Variants in GBF1 observed in about 807,000 individuals in gnomAD.
GBF1 encodes golgi brefeldin A resistant guanine nucleotide exchange factor 1.
A neutral mutation model predicts 210.5 loss-of-function variants in GBF1; 114 were observed. That is an observed-to-expected ratio of 0.54 (90% CI 0.47 to 0.63). GBF1 has a LOEUF of 0.63. Ranked by LOEUF, GBF1 falls within the 30% of genes least tolerant of loss-of-function variation. GBF1 has a pLI of 0.00. For synonymous variants in GBF1, 850 were observed against 889.2 expected, an observed-to-expected ratio of 0.96 and a Z score of 0.78; for missense variants, 1,851 against 2,357.7, an observed-to-expected ratio of 0.79 and a Z score of 4.45.
chr10:102,326,223 T>C (rs2056887231), intron 3 of GBF1, among the ~76,000 whole-genome samples: 1 of 152,236 alleles, frequency 6.6e-6, no homozygotes, highest in African/African-American at 2.4e-5. Flanking sequence ...GCTTCTAAAT[T>C]GGAATGCTGA....
At chr10:102,284,199 T>C (rs892309325) in intron 3 of GBF1, among the ~76,000 whole-genome samples, 1 of 152,164 alleles carries the variant, frequency 6.6e-6, no homozygotes, top group African/African-American at 2.4e-5. Context: ...TAAAGCACTT[T>C]AGAAAAATAA....
At chr10:102,344,370 G>A (rs2058392088) in intron 4 of GBF1, among the ~76,000 whole-genome samples, 188 bp downstream of exon 4, 1 of 152,208 alleles carries the variant, frequency 6.6e-6, no homozygotes, top group Non-Finnish European at 1.5e-5. Context: ...TACAGGGTGG[G>A]AAGGGCAAGA....
At chr10:102,269,123 C>A (rs915252541) in intron 3 of GBF1, among the ~76,000 whole-genome samples, 2 of 152,194 alleles carry the variant, frequency 1.3e-5, no homozygotes, top group African/African-American at 4.8e-5. Flanking sequence ...TGGCATGTCT[C>A]TTCTGTAACA....
chr10:102,249,556 A>G (rs551288993), intron 1 of GBF1, among the ~76,000 whole-genome samples: 10 of 152,274 alleles, frequency 6.6e-5, no homozygotes, highest in East Asian at 5.8e-4. Context: ...CCACCCTTTA[A>G]GTAAATTTCT....
chr10:102,379,734 G>T, intron 35 of GBF1, 83 bp downstream of exon 35: 1 of 1,516,164 alleles, frequency 6.6e-7, no homozygotes, highest in Non-Finnish European at 9.2e-7. Context: ...CCTAATGTGA[G>T]TCTTCAGCCT....
chr10:102,338,237 C>CTTTTTTTTTTT (rs398046214), intron 3 of GBF1, among the ~76,000 whole-genome samples: 12 of 114,168 alleles, frequency 1.1e-4, no homozygotes, highest in African/African-American at 4.1e-4. Flanking sequence ...CAACCTTCTT[C>CTTTTTTTTTTT]TTTTTTTTTT....
At chr10:102,350,282 G>A (rs368832856) in intron 4 of GBF1, among the ~76,000 whole-genome samples, 2 of 151,880 alleles carry the variant, frequency 1.3e-5, no homozygotes, top group Middle Eastern at 3.2e-3. Flanking sequence ...CCTAGGAGAC[G>A]GAGGTTGCAG....
At chr10:102,343,675 G>A (rs894072950) in intron 3 of GBF1, among the ~76,000 whole-genome samples, 3 of 151,654 alleles carry the variant, frequency 2.0e-5, no homozygotes, top group East Asian at 1.9e-4. Flanking sequence ...AAAATTAGCC[G>A]GGCATGGTGA....
intron 3 of GBF1, among the ~76,000 whole-genome samples, chr10:102,277,046 G>GCT: frequency 6.6e-6 from 1 of 151,610 alleles, no homozygotes; most frequent in African/African-American, 2.4e-5. Flanking sequence ...TTATTTTTTG[G>GCT]CTGGGCACAG....
intron 3 of GBF1, among the ~76,000 whole-genome samples, chr10:102,282,158 A>G (rs1343133907): frequency 6.6e-6 from 1 of 151,368 alleles, no homozygotes; most frequent in East Asian, 1.9e-4. Flanking sequence ...GATGGTCTCA[A>G]TCTCCTGATC....
At chr10:102,239,083 G>T in the GBF1 span, among the ~76,000 whole-genome samples, 7 of 152,164 alleles carry the variant, frequency 4.6e-5, no homozygotes, top group Non-Finnish European at 8.8e-5. Context: ...TTATTATGCT[G>T]TAGATTTCCA....
intron 3 of GBF1, among the ~76,000 whole-genome samples, chr10:102,324,689 C>A (rs1306944983): frequency 6.6e-6 from 1 of 152,100 alleles, no homozygotes; most frequent in Non-Finnish European, 1.5e-5. Context: ...CAGGTTCAAG[C>A]GATTCTCCTG....
At chr10:102,242,445 C>T (rs908258047), upstream of GBF1, among the ~76,000 whole-genome samples, 2 of 152,188 alleles carry the variant, frequency 1.3e-5, no homozygotes, top group Non-Finnish European at 2.9e-5. Context: ...CTGGTGGTAC[C>T]AGGTTAAGTC....
intron 3 of GBF1, among the ~76,000 whole-genome samples, chr10:102,281,400 C>A (rs1273826289): frequency 6.6e-6 from 1 of 152,076 alleles, no homozygotes; most frequent in Non-Finnish European, 1.5e-5. Context: ...ACCTTACCAA[C>A]AATCTGCATA....
At chr10:102,231,861 T>C in the GBF1 span, 16 of 1,573,488 alleles carry the variant, frequency 1.0e-5, no homozygotes, top group Non-Finnish European at 1.4e-5. Flanking sequence ...GGGGACCTCC[T>C]AAGCCACTCG....
chr10:102,312,294 A>AG lies in GBF1; in HGVS notation c.164-31756dup, dbSNP rs2078521076. 3.4e-5 allele frequency among the ~76,000 whole-genome samples: 5 copies of AG among 145,192 alleles called. No individual in the cohort carries two copies. In the South Asian group the frequency reaches 9.0e-4, roughly 26 times the overall value. ...GGCAACAAGAGCGTAACTCTGTCTC[A>AG]GAAAAAAAAAAAAAAAGAAAGAAAA... On this transcript the variant is annotated intron_variant, in intron 3 of 39. Coordinates refer to ENST00000369983, the MANE Select transcript of GBF1 (RefSeq NM_001377137.1).
At chr10:102,271,099 G>A (rs1040889341) in intron 3 of GBF1, among the ~76,000 whole-genome samples, 7 of 151,836 alleles carry the variant, frequency 4.6e-5, no homozygotes, top group Middle Eastern at 3.4e-3. Context: ...CTGCAGTGGC[G>A]CTATCTCAGC....
At chr10:102,325,661 T>C (rs1253181319) in intron 3 of GBF1, among the ~76,000 whole-genome samples, 4 of 152,092 alleles carry the variant, frequency 2.6e-5, no homozygotes, top group Non-Finnish European at 4.4e-5. Context: ...TGTTTTTGTT[T>C]TTTTTTAAGA....
At chr10:102,234,465 C>T in the GBF1 span, among the ~76,000 whole-genome samples, 2 of 152,184 alleles carry the variant, frequency 1.3e-5, no homozygotes, top group Non-Finnish European at 2.9e-5. Context: ...CTTACTTCCC[C>T]TTCCAGGTCG....
Sources: allele counts gnomAD v4.1 joint callset (sites outside exome capture counted in the v4.1 genomes callset), GRCh38; gene constraint gnomAD v4.1.1; transcripts MANE v1.5; gene names NCBI Gene and HGNC (gene_info 2026-07-23, HGNC 2026-07-21).